Variants in HERC2 observed in about 807,000 individuals in gnomAD.
The protein encoded by HERC2 is E3 ubiquitin-protein ligase HERC2.
Under a neutral mutation model 537.7 loss-of-function variants are expected in HERC2, and 102 were observed. The observed-to-expected ratio is 0.19, with a 90% confidence interval of 0.16 to 0.22. The LOEUF is 0.22. Ranked by LOEUF, HERC2 falls within the 10% of genes least tolerant of loss-of-function variation. HERC2 has a pLI of 1.00. For missense variants in HERC2, 4,236 were observed against 6,198.2 expected (o/e 0.68, Z 10.63); for synonymous variants, 2,224 against 2,466.2 (o/e 0.90, Z 2.91).
At chr15:28,171,262 T>C (rs1894668590) in intron 65 of HERC2, among the ~76,000 whole-genome samples, 1 of 152,222 alleles carries the variant, frequency 6.6e-6, no homozygotes, top group Non-Finnish European at 1.5e-5. Context: ...GAGTATTCGA[T>C]GGAATACTGA....
chr15:28,258,883 A>C (rs1162173212), intron 16 of HERC2, among the ~76,000 whole-genome samples: 1 of 152,226 alleles, frequency 6.6e-6, no homozygotes, highest in Non-Finnish European at 1.5e-5. Flanking sequence ...TATCAGAATC[A>C]AGAATGAATG....
intron 19 of HERC2, among the ~76,000 whole-genome samples, chr15:28,255,387 T>A (rs148221386): frequency 6.6e-6 from 1 of 152,034 alleles, no homozygotes; most frequent in Admixed American, 6.6e-5. Context: ...AATAGGAGAA[T>A]GAACAAACAG....
At chr15:28,295,319 G>A (rs1000452818) in intron 3 of HERC2, among the ~76,000 whole-genome samples, 5 of 96,134 alleles carry the variant, frequency 5.2e-5, no homozygotes, top group Non-Finnish European at 8.8e-5. Context: ...GGGGGGGGGG[G>A]AGTGGGGGGG....
In HERC2 at chr15:28,257,128, G is replaced by A. The variant is rs189875557; in HGVS notation, c.2450C>T (p.Ala817Val). Residue 817 changes from alanine (A) to valine (V), a missense_variant, in exon 17 of 93, where the codon GCG (alanine) becomes GTG (valine). Physicochemically the swap from Ala to Val is moderately conservative, Grantham distance 64. Coordinates refer to ENST00000261609, the MANE Select transcript of HERC2 (RefSeq NM_004667.6). Reference protein sequence around the residue: ...RQVSEGMDGSADWPPPQEKEC... With the variant: ...RQVSEGMDGSVDWPPPQEKEC... ...TTTCTCCTGGGGCGGGGGCCAGTCC[G>A]CGGAACCATCCATCCCCTCACTCAC... The A allele has an allele frequency of 9.1e-5, 147 of 1,613,822 alleles. 1 individual carries two copies. The East Asian group carries it at 2.6e-3, about 28-fold the overall frequency.
intron 26 of HERC2, among the ~76,000 whole-genome samples, chr15:28,236,294 C>A (rs1902443007): frequency 6.6e-6 from 1 of 151,976 alleles, no homozygotes; most frequent in Admixed American, 6.5e-5. Context: ...TGTGTTGAAT[C>A]CGCCTCTCCT....
Position 28,233,270 on chromosome 15 carries a change from A to G in HERC2, c.4551T>C (p.Phe1517=), listed in dbSNP as rs778532080. The G allele has an allele frequency of 1.6e-5, 24 of 1,542,514 alleles. No homozygotes were observed. The South Asian group carries it at 2.5e-4, about 16-fold the overall frequency. Residue 1517 remains phenylalanine (F), a synonymous_variant, in exon 30 of 93, where the codon TTT becomes TTC. Transcript: ENST00000261609. ...TACAAACAGCAGGTCTCAATTCATT[A>G]AAGAGGAATCTCAAACGTTCGATGA... is the stretch of plus-strand genomic sequence containing the variant. The part of the protein sequence containing the change: ...APVIERLRFL[F]NELRPAVCND...
intron 2 of HERC2, among the ~76,000 whole-genome samples, chr15:28,303,862 C>T (rs2076702580): frequency 6.6e-6 from 1 of 152,070 alleles, no homozygotes; most frequent in African/African-American, 2.4e-5. Flanking sequence ...TCACTGTTGA[C>T]ATACAGAAAT....
In HERC2 at chr15:28,113,851, C is replaced by G; in HGVS notation, c.13914-173G>C. ...AGCAGCTCGGCACTGCAGAGCTTCT[C>G]CTGACACTGGGCTCATCTCGTCCAG... On this transcript the variant is annotated intron_variant, in intron 90 of 92. Coordinates refer to ENST00000261609, the MANE Select transcript of HERC2 (RefSeq NM_004667.6). This position sits in a 1 kb window ranked among gnomAD's most constrained non-coding sequence, Gnocchi z 7.0. 3.1e-6 allele frequency: 2 copies of G among 635,486 alleles called. No homozygotes were observed. The highest frequency in any genetic ancestry group is 5.7e-6 in the Non-Finnish European group (2 of 350,814). The allele number at this position is 635,486 out of a possible 1,614,324, so 39.4% of individuals were successfully genotyped here.
At chr15:28,209,940 CTTT>C (rs1164101918) in intron 44 of HERC2, among the ~76,000 whole-genome samples, 1 of 77,344 alleles carries the variant, frequency 1.3e-5, no homozygotes, top group Admixed American at 2.2e-4. Flanking sequence ...AATACATTAT[CTTT>C]TTTTTTTTTT....
intron 7 of HERC2, 22 bp downstream of exon 7, chr15:28,274,269 G>A (rs768093786): frequency 1.2e-6 from 2 of 1,612,990 alleles, no homozygotes; most frequent in Non-Finnish European, 1.7e-6. Context: ...GCGTGCAGAA[G>A]GCAAGAAAGG....
intron 26 of HERC2, among the ~76,000 whole-genome samples, chr15:28,236,070 T>C (rs1188905115): frequency 6.6e-6 from 1 of 152,136 alleles, no homozygotes; most frequent in African/African-American, 2.4e-5. Flanking sequence ...CTGTGCAATT[T>C]CTGGGCATGC....
In HERC2 at chr15:28,268,380, TG is replaced by T. The variant is rs1423404159; in HGVS notation, c.1598+84del. On this transcript the variant is annotated intron_variant, in intron 12 of 92. Coordinates refer to ENST00000261609, the MANE Select transcript of HERC2 (RefSeq NM_004667.6). The surrounding 1 kb of genome is among the most constrained non-coding windows in gnomAD (Gnocchi z 4.7). Reference sequence around the variant, plus strand: ...CATGTCAGGGCAATTGGAAAACACCTGGACACACTTCTGCGCTCCATCCTGT... The same window carrying T: ...CATGTCAGGGCAATTGGAAAACACCTGACACACTTCTGCGCTCCATCCTGT... 6.8e-6 allele frequency: 9 copies of T among 1,322,592 alleles called. 1 individual carries two copies. In the Middle Eastern group the frequency reaches 1.7e-3, roughly 249 times the overall value. The allele number at this position is 1,322,592 out of a possible 1,614,324, so 81.9% of individuals were successfully genotyped here.
chr15:28,248,765 T>G, intron 20 of HERC2, 29 bp from the exon 21 acceptor site: 1 of 1,557,788 alleles, frequency 6.4e-7, no homozygotes, highest in Non-Finnish European at 8.8e-7. Context: ...GATTACAAAA[T>G]TAAACAAGAT....
At position 28,269,328 on chromosome 15, in the gene HERC2, T is replaced by C. The variant is rs2075656964; in HGVS notation, c.1366A>G (p.Ile456Val). The C allele has an allele frequency of 2.5e-6, 4 of 1,614,186 alleles. No homozygotes were observed. The highest frequency in any genetic ancestry group is 3.4e-6 in the Non-Finnish European group (4 of 1,180,026). ...AGGAAACGCTTCTCTGCACAGGCAA[T>C]CTGTGTGACTCCCAGGTTGGCCAGG... ...EGLANLGVTQ[I>V]ACAEKRFLIL... The change falls in exon 11 of 93, where the codon ATT (isoleucine) becomes GTT (valine). Residue 456 changes from isoleucine to valine, a missense_variant. By Grantham distance (29) the Ile-to-Val change is conservative. Coordinates refer to ENST00000261609, the MANE Select transcript of HERC2 (RefSeq NM_004667.6).
intron 70 of HERC2, among the ~76,000 whole-genome samples, chr15:28,148,660 C>T (rs1450435436): frequency 4.0e-5 from 6 of 151,790 alleles, no homozygotes; most frequent in African/African-American, 1.2e-4. Flanking sequence ...CACGAACGCA[C>T]ATTCTAGTAA....
At chr15:28,307,188 CAT>C (rs1217355846) in intron 2 of HERC2, among the ~76,000 whole-genome samples, 2 of 152,200 alleles carry the variant, frequency 1.3e-5, no homozygotes, top group African/African-American at 4.8e-5. Flanking sequence ...TATAGCTGTT[CAT>C]AGTCTCTAAT....
chr15:28,285,179 A>C (rs941168180), intron 4 of HERC2, among the ~76,000 whole-genome samples: 1 of 152,170 alleles, frequency 6.6e-6, no homozygotes, highest in African/African-American at 2.4e-5. Context: ...ATTCAACATC[A>C]CCATCAATCA....
chr15:28,255,858 C>G lies in HERC2; in HGVS notation c.2871+14G>C. On this transcript the variant is annotated intron_variant, in intron 19 of 92. Coordinates refer to ENST00000261609, the MANE Select transcript of HERC2 (RefSeq NM_004667.6). ...CAGTGCACCACCAGGTCACGTGTGCCTCCAAAGCCATACCTGGATCTCTGC... is the reference window on the plus strand; with the variant it reads ...CAGTGCACCACCAGGTCACGTGTGCGTCCAAAGCCATACCTGGATCTCTGC... 1 of 1,597,382 alleles carries G rather than the reference C, an allele frequency of 6.3e-7. No homozygotes were observed. Among genetic ancestry groups the G allele is most frequent in the Non-Finnish European group, 8.5e-7 (1 of 1,179,096 alleles).
At chr15:28,185,641 G>A (rs1007600311) in intron 56 of HERC2, among the ~76,000 whole-genome samples, 4 of 152,134 alleles carry the variant, frequency 2.6e-5, no homozygotes, top group Non-Finnish European at 4.4e-5. Flanking sequence ...CAAAAACTTC[G>A]CAGATATCAT....
Sources: allele counts gnomAD v4.1 joint callset (sites outside exome capture counted in the v4.1 genomes callset), GRCh38; gene constraint gnomAD v4.1.1; non-coding constraint Gnocchi (gnomAD v3.1); transcripts MANE v1.5; gene names NCBI Gene and HGNC (gene_info 2026-07-23, HGNC 2026-07-21).